Variants in CNTN1 observed in about 807,000 individuals in gnomAD.
CNTN1 encodes contactin-1.
In CNTN1, 38 loss-of-function variants were observed where a neutral mutation model predicts 126.4. That is an observed-to-expected ratio of 0.30 (90% CI 0.23 to 0.39). The LOEUF (loss-of-function observed/expected upper bound fraction) is 0.39. Ranked by LOEUF, CNTN1 falls within the 10% of genes least tolerant of loss-of-function variation. CNTN1 has a pLI of 1.00. For missense variants in CNTN1, 1,009 were observed against 1,248.4 expected (o/e 0.81, Z 2.89); for synonymous variants, 413 against 422.6 (o/e 0.98, Z 0.28).
intron 23 of CNTN1, among the ~76,000 whole-genome samples, chr12:41,031,508 T>C (rs1949144968): frequency 6.6e-6 from 1 of 152,214 alleles, no homozygotes; most frequent in African/African-American, 2.4e-5. Flanking sequence ...AATTCTATTT[T>C]AATAATTACA....
chr12:40,987,780 C>T (rs1160961073), intron 16 of CNTN1, among the ~76,000 whole-genome samples: 1 of 152,104 alleles, frequency 6.6e-6, no homozygotes, highest in Non-Finnish European at 1.5e-5. Context: ...AGCCAAAACC[C>T]ATGAGCTGTA....
At chr12:40,885,587 C>G (rs1022400808) in intron 1 of CNTN1, among the ~76,000 whole-genome samples, 1 of 151,936 alleles carries the variant, frequency 6.6e-6, no homozygotes, top group African/African-American at 2.4e-5. Context: ...ATATTCATAG[C>G]ATTTACCATA....
At chr12:40,959,293 G>T in intron 15 of CNTN1, 59 bp downstream of exon 15, 1 of 1,579,790 alleles carries the variant, frequency 6.3e-7, no homozygotes, top group Non-Finnish European at 8.7e-7. Context: ...GCATAAACAT[G>T]TATAATCTTC....
intron 12 of CNTN1, among the ~76,000 whole-genome samples, chr12:40,941,019 A>G (rs1946248228): frequency 6.6e-6 from 1 of 152,140 alleles, no homozygotes; most frequent in Admixed American, 6.5e-5. Flanking sequence ...TCTGATGAAG[A>G]CCCATGTCAT....
intron 1 of CNTN1, among the ~76,000 whole-genome samples, chr12:40,877,435 A>G (rs1233435413): frequency 1.3e-5 from 2 of 152,216 alleles, no homozygotes; most frequent in African/African-American, 4.8e-5. Context: ...CTAGATGAAT[A>G]TTCATATAAC....
rs56655599 is a variant in CNTN1, at chr12:41,046,847, C to CTT, written c.2980+17647_2980+17648dup. 2.1e-3 allele frequency among the ~76,000 whole-genome samples: 255 copies of CTT among 118,988 alleles called. 4 individuals are homozygous for CTT. Among genetic ancestry groups the CTT allele is most frequent in the African/African-American group, 6.9e-3 (213 of 30,776 alleles). The allele number at this position is 118,988 out of a possible 152,430, so 78.1% of individuals were successfully genotyped here. A position where few individuals can be genotyped will look rare whatever the true frequency, so the allele number is the denominator to read the frequency against. ...CTACCAGTGATCTTATTGCTTATTT[C>CTT]TTTTTTTTTTTTTTTTTTTTGTCCT... is the stretch of plus-strand genomic sequence containing the variant. On this transcript the variant is annotated intron_variant, in intron 23 of 23. Coordinates refer to ENST00000551295, the MANE Select transcript of CNTN1 (RefSeq NM_001843.4).
chr12:40,767,304 CT>C (rs10639318), intron 1 of CNTN1, among the ~76,000 whole-genome samples: 366 of 89,704 alleles, frequency 4.1e-3, no homozygotes, highest in African/African-American at 0.015. Flanking sequence ...CTGACCTTTC[CT>C]TTTTTTTTTT....
intron 16 of CNTN1, among the ~76,000 whole-genome samples, chr12:40,992,510 C>T (rs1239350167): frequency 6.6e-6 from 1 of 151,844 alleles, no homozygotes; most frequent in Non-Finnish European, 1.5e-5. Context: ...GCTAAGATCA[C>T]ATTCCACCCA....
At chr12:40,793,173 A>G (rs1197652828) in intron 1 of CNTN1, among the ~76,000 whole-genome samples, 1 of 152,114 alleles carries the variant, frequency 6.6e-6, no homozygotes, top group Non-Finnish European at 1.5e-5. Flanking sequence ...TAACAAGACC[A>G]TCTTGCTGGC....
chr12:40,882,813 T>C (rs537972826), intron 1 of CNTN1, among the ~76,000 whole-genome samples: 1 of 151,614 alleles, frequency 6.6e-6, no homozygotes, highest in African/African-American at 2.4e-5. Flanking sequence ...ATAAGTAAAA[T>C]AGTTTATAAT....
At chr12:40,944,250 C>A in intron 14 of CNTN1, 80 bp downstream of exon 14, 1 of 1,284,032 alleles carries the variant, frequency 7.8e-7, no homozygotes, top group Admixed American at 1.8e-5. Context: ...ACTATAATCA[C>A]ATTTTATATC....
chr12:40,967,661 C>T (rs1947356754), intron 15 of CNTN1, among the ~76,000 whole-genome samples: 1 of 151,940 alleles, frequency 6.6e-6, no homozygotes, highest in Admixed American at 6.6e-5. Context: ...GATAATTATG[C>T]CAAATTAGGC....
chr12:40,825,656 G>C (rs2136536301), intron 1 of CNTN1, among the ~76,000 whole-genome samples: 1 of 152,158 alleles, frequency 6.6e-6, no homozygotes, highest in Middle Eastern at 3.4e-3. Flanking sequence ...CCTTGTCTTT[G>C]TTTTATGTGA....
At chr12:40,918,594 A>G in intron 3 of CNTN1, 45 bp from the exon 4 acceptor site, 1 of 1,562,096 alleles carries the variant, frequency 6.4e-7, no homozygotes, top group Admixed American at 1.8e-5. Context: ...ATTTTCTTTG[A>G]CTTATAAAGC....
At chr12:40,976,548 A>G (rs1373337136) in intron 15 of CNTN1, among the ~76,000 whole-genome samples, 2 of 151,996 alleles carry the variant, frequency 1.3e-5, no homozygotes, top group Non-Finnish European at 2.9e-5. Flanking sequence ...AAAAAGAAAA[A>G]AAAAAAAGAA....
intron 1 of CNTN1, among the ~76,000 whole-genome samples, chr12:40,787,337 C>T (rs552417779): frequency 1.4e-4 from 21 of 152,180 alleles, no homozygotes; most frequent in Non-Finnish European, 2.4e-4. Flanking sequence ...GTGCTCACTA[C>T]TCTGCTTAGC....
intron 1 of CNTN1, among the ~76,000 whole-genome samples, chr12:40,782,208 T>A (rs1041067250): frequency 6.6e-6 from 1 of 151,944 alleles, no homozygotes; most frequent in South Asian, 2.1e-4. Context: ...TATTAAAGTA[T>A]TATAGTTTTA....
intron 1 of CNTN1, among the ~76,000 whole-genome samples, chr12:40,714,116 G>T (rs1412290868): frequency 2.0e-5 from 3 of 152,010 alleles, no homozygotes; most frequent in African/African-American, 7.2e-5. Context: ...TCTACTTAAA[G>T]AACTTACAAT....
At chr12:40,940,497 A>C (rs1946230491) in intron 12 of CNTN1, among the ~76,000 whole-genome samples, 2 of 152,114 alleles carry the variant, frequency 1.3e-5, no homozygotes, top group South Asian at 4.1e-4. Flanking sequence ...AAAATACATT[A>C]TTTTCTTCAC....
Sources: gnomAD v4.1 joint callset for allele counts (sites outside exome capture counted in the v4.1 genomes callset) on GRCh38, gnomAD v4.1.1 for gene constraint, MANE v1.5 for transcripts, NCBI Gene and HGNC (gene_info 2026-07-23, HGNC 2026-07-21) for gene names.